The following PRKN variants were observed in gnomAD, a reference collection of about 807,000 sequenced individuals.
PRKN encodes the protein E3 ubiquitin-protein ligase parkin.
Under a neutral mutation model 59.5 loss-of-function variants are expected in PRKN, and 56 were observed. That is an observed-to-expected ratio of 0.94 (90% CI 0.76 to 1.18). The LOEUF (loss-of-function observed/expected upper bound fraction) is 1.18. PRKN is among the 50% of genes most tolerant of loss of function. The probability of loss-of-function intolerance (pLI) is 0.00; values close to 1 mark genes in which losing one functional copy is unlikely to be tolerated. For synonymous variants in PRKN, 250 were observed against 222.1 expected (o/e 1.13, Z -1.12); for missense variants, 657 against 596.4 (o/e 1.10, Z -1.06).
chr6:161,757,871 C>CTCTCTCTCTCTCTCTTTG (rs1380898753), intron 7 of PRKN, among the ~76,000 whole-genome samples: 1 of 97,984 alleles, frequency 1.0e-5, no homozygotes, highest in Non-Finnish European at 1.9e-5. Flanking sequence ...CTCTCTCTCT[C>CTCTCTCTCTCTCTCTTTG]TGTGTATATA....
chr6:162,193,613 C>G (rs1784379844), intron 4 of PRKN, among the ~76,000 whole-genome samples: 1 of 152,146 alleles, frequency 6.6e-6, no homozygotes, highest in Non-Finnish European at 1.5e-5. Flanking sequence ...TGTCTTTGAA[C>G]AAATGAAGCT....
chr6:162,184,396 C>T (rs926273388), intron 4 of PRKN, among the ~76,000 whole-genome samples: 4 of 152,116 alleles, frequency 2.6e-5, no homozygotes. Flanking sequence ...TCCCATAATC[C>T]CCATGTTTCA....
At chr6:162,052,183 A>G (rs12527027) in intron 5 of PRKN, among the ~76,000 whole-genome samples, 25,622 of 152,020 alleles carry the variant, frequency 0.17, 2,898 homozygotes, top group East Asian at 0.55. Context: ...TTTTCAGGTC[A>G]AATTTCAGAT....
intron 7 of PRKN, among the ~76,000 whole-genome samples, chr6:161,782,820 G>C (rs1228005107): frequency 1.3e-5 from 2 of 151,878 alleles, no homozygotes; most frequent in Non-Finnish European, 2.9e-5. Context: ...CTTGAACCCG[G>C]GAGGCCAAGG....
chr6:162,375,223 C>T lies in PRKN; in HGVS notation c.171+68087G>A, dbSNP rs115884489. Among the ~76,000 whole-genome samples, 333 of 151,964 alleles carry T rather than the reference C, an allele frequency of 2.2e-3. 1 individual carries two copies. Among genetic ancestry groups the T allele is most frequent in the South Asian group, 0.012 (57 of 4,812 alleles). ...TGAAGGACAAAATCTTTAGGCCAAA[C>T]GTTATAAATAGAATGAAACAGCTTT... On this transcript the variant is annotated intron_variant, in intron 2 of 11. Coordinates refer to ENST00000366898, the MANE Select transcript of PRKN (RefSeq NM_004562.3).
rs531399465 is a variant in PRKN at position 161,996,864 on chromosome 6, G to A, written c.619-23447C>T. On this transcript the variant is annotated intron_variant, in intron 5 of 11. Transcript: ENST00000366898. ...TTTTATTTTTTTTTTAAATTAACAT[G>A]GAGAAAGCACCTAAATCATCATGCT... is the stretch of plus-strand genomic sequence containing the variant. Among the ~76,000 whole-genome samples, 10 of 151,810 alleles carry A rather than the reference G, an allele frequency of 6.6e-5. No individual in the cohort carries two copies. In the South Asian group the frequency reaches 2.1e-3, roughly 31 times the overall value.
intron 1 of PRKN, among the ~76,000 whole-genome samples, chr6:162,542,841 G>C (rs1211143551): frequency 6.6e-6 from 1 of 152,124 alleles, no homozygotes; most frequent in Non-Finnish European, 1.5e-5. Flanking sequence ...ACCCCCAACA[G>C]AGGGTAGAGG....
At chr6:161,851,058 G>A (rs1195400697) in intron 6 of PRKN, among the ~76,000 whole-genome samples, 1 of 152,206 alleles carries the variant, frequency 6.6e-6, no homozygotes, top group Non-Finnish European at 1.5e-5. Flanking sequence ...GTCCTCCAAA[G>A]TTCCTAAGTT....
intron 6 of PRKN, among the ~76,000 whole-genome samples, chr6:161,818,047 A>G (rs1791864067): frequency 6.6e-6 from 1 of 152,224 alleles, no homozygotes; most frequent in Admixed American, 6.5e-5. Flanking sequence ...ATCAAATCAT[A>G]ACACAGACAT....
At chr6:162,022,021 A>G (rs962346268) in intron 5 of PRKN, among the ~76,000 whole-genome samples, 1 of 152,130 alleles carries the variant, frequency 6.6e-6, no homozygotes, top group Admixed American at 6.5e-5. Context: ...TGCAAAGGAC[A>G]GGATTTTGAT....
At position 162,322,222 on chromosome 6, in the gene PRKN, C is replaced by T. The variant is rs146399275; in HGVS notation, c.172-59457G>A. Among the ~76,000 whole-genome samples the T allele has an allele frequency of 2.5e-3, 378 of 151,728 alleles. 5 individuals are homozygous for T. The highest frequency in any genetic ancestry group is 8.6e-3 in the African/African-American group (355 of 41,406). On this transcript the variant is annotated intron_variant, in intron 2 of 11. Transcript: ENST00000366898. ...TTACAATAGATCAACATATAAAATA[C>T]GCAAAAATAAATTTACAAACAGTTT...
At chr6:161,741,843 C>T (rs1488134163) in intron 7 of PRKN, among the ~76,000 whole-genome samples, 2 of 152,146 alleles carry the variant, frequency 1.3e-5, no homozygotes, top group Non-Finnish European at 2.9e-5. Context: ...ATAATCCCCA[C>T]ATGTTAAGGG....
chr6:162,295,392 A>G (rs1052889755), intron 2 of PRKN, among the ~76,000 whole-genome samples: 4 of 152,168 alleles, frequency 2.6e-5, no homozygotes, highest in African/African-American at 2.4e-5. Flanking sequence ...GCTATTTATC[A>G]GTCTATATTT....
chr6:162,433,329 T>C (rs1318723777), intron 2 of PRKN, among the ~76,000 whole-genome samples: 1 of 151,984 alleles, frequency 6.6e-6, no homozygotes, highest in Non-Finnish European at 1.5e-5. Flanking sequence ...TCCCAGAGAG[T>C]CTGACTTTAG....
intron 1 of PRKN, among the ~76,000 whole-genome samples, chr6:162,549,087 G>A (rs1779233420): frequency 6.6e-6 from 1 of 152,034 alleles, no homozygotes; most frequent in Non-Finnish European, 1.5e-5. Context: ...CATTCGGAGG[G>A]TTATTAGGGC....
At chr6:161,861,364 G>C (rs1287732150) in intron 6 of PRKN, among the ~76,000 whole-genome samples, 1 of 152,130 alleles carries the variant, frequency 6.6e-6, no homozygotes, top group Non-Finnish European at 1.5e-5. Flanking sequence ...TCATAAATGG[G>C]AGTTGAACAA....
chr6:162,554,654 C>T (rs1229143625), intron 1 of PRKN, among the ~76,000 whole-genome samples: 2 of 152,074 alleles, frequency 1.3e-5, no homozygotes, highest in African/African-American at 2.4e-5. Flanking sequence ...CACAGCGCAG[C>T]GCAATGGCAT....
chr6:162,066,259 G>A (rs117503335), intron 4 of PRKN, among the ~76,000 whole-genome samples: 6,631 of 152,104 alleles, frequency 0.044, 196 homozygotes, highest in Non-Finnish European at 0.064. Flanking sequence ...TTCTTTACCA[G>A]CTATCTAGGC....
intron 7 of PRKN, among the ~76,000 whole-genome samples, chr6:161,684,069 G>T (rs1421218930): frequency 6.6e-6 from 1 of 152,006 alleles, no homozygotes; most frequent in Admixed American, 6.6e-5. Context: ...ATTTTAAAAA[G>T]ATATATTCAA....
Sources: allele counts gnomAD v4.1 joint callset (sites outside exome capture counted in the v4.1 genomes callset), GRCh38; gene constraint gnomAD v4.1.1; transcripts MANE v1.5; gene names NCBI Gene and HGNC (gene_info 2026-07-23, HGNC 2026-07-21).